Variants in NHSL1 observed in about 807,000 individuals in gnomAD.
The protein encoded by NHSL1 is NHS-like protein 1.
In NHSL1, 48 loss-of-function variants were observed where a neutral mutation model predicts 95.0. The ratio of observed to expected loss-of-function variants is 0.51; its 90% CI spans 0.40 to 0.64. The LOEUF is 0.64. NHSL1 is among the 30% of genes least tolerant of loss of function. The pLI, the probability that NHSL1 is intolerant of heterozygous loss-of-function variation, is 0.00. For synonymous variants in NHSL1, 783 were observed against 833.9 expected (o/e 0.94, Z 1.05); for missense variants, 1,971 against 2,077.7 (o/e 0.95, Z 1.00).
At chr6:138,465,814 C>T (rs530019012) in intron 3 of NHSL1, among the ~76,000 whole-genome samples, 1 of 150,654 alleles carries the variant, frequency 6.6e-6, no homozygotes, top group East Asian at 2.0e-4. Flanking sequence ...ACCTCTGCCT[C>T]CTGGGTTCAA....
At chr6:138,588,493 GACACTGCAACT>G (rs1320815289) in intron 1 of NHSL1, among the ~76,000 whole-genome samples, 3 of 103,280 alleles carry the variant, frequency 2.9e-5, no homozygotes, top group Non-Finnish European at 6.9e-5. Flanking sequence ...ATAAAATAAC[GACACTGCAACT>G]ACACTGAAAA....
intron 2 of NHSL1, among the ~76,000 whole-genome samples, chr6:138,481,063 C>T (rs548578197): frequency 7.2e-5 from 11 of 152,284 alleles, no homozygotes; most frequent in African/African-American, 2.6e-4. Flanking sequence ...AAAACTTCAT[C>T]TTAGTCCAGA....
In NHSL1 at chr6:138,692,523, G is replaced by C. The variant is rs1057386712; in HGVS notation, c.50C>G (p.Ala17Gly). Residue 17 changes from alanine to glycine, a missense_variant, in exon 1 of 4, where the codon GCC (alanine) becomes GGC (glycine). Transcript: ENST00000491526. The surrounding 1 kb of genome is among the most constrained non-coding windows in gnomAD (Gnocchi z 4.0). ...CAGGCGCGCAGCGGCGGCTTGCAGG[G>C]CGTCGAGGCGGCGGTGCAGCGCGGC... 1.5e-5 allele frequency: 3 copies of C among 200,378 alleles called. No homozygotes were observed. The highest frequency in any genetic ancestry group is 3.0e-5 in the Non-Finnish European group (3 of 100,692). 12.4% of individuals were successfully genotyped at this position (200,378 alleles called of 1,614,324 possible). A position where few individuals can be genotyped will look rare whatever the true frequency, so the allele number is the denominator to read the frequency against.
chr6:138,644,832 T>A (rs983943323), intron 1 of NHSL1, among the ~76,000 whole-genome samples: 2 of 152,248 alleles, frequency 1.3e-5, no homozygotes, highest in African/African-American at 4.8e-5. Flanking sequence ...AAAATGTTTG[T>A]TCTAGAGTCA....
intron 3 of NHSL1, among the ~76,000 whole-genome samples, chr6:138,450,533 A>G (rs548979468): frequency 2.0e-5 from 3 of 152,308 alleles, no homozygotes; most frequent in Non-Finnish European, 2.9e-5. Flanking sequence ...AAGCATCTCA[A>G]TGGTGCTCAT....
At position 138,521,765 on chromosome 6, in the gene NHSL1, G is replaced by C. The variant is rs144893727; in HGVS notation, c.16+23858C>G. ...ACAGTGGCTAGAAGATAATTAGATG[G>C]GCAAAGTGGAACACCTCATATGGGC... On this transcript the variant is annotated intron_variant, in intron 1 of 4. Coordinates refer to the NHSL1 transcript ENST00000342260. 6.2e-3 allele frequency among the ~76,000 whole-genome samples: 945 copies of C among 152,212 alleles called. 23 individuals carry two copies. The highest frequency in any genetic ancestry group is 0.048 in the Admixed American group (735 of 15,270).
At chr6:138,559,147 A>G (rs1277110756) in intron 1 of NHSL1, among the ~76,000 whole-genome samples, 1 of 152,254 alleles carries the variant, frequency 6.6e-6, no homozygotes, top group African/African-American at 2.4e-5. Flanking sequence ...GAATCCAAAA[A>G]TTGGAAGTTA....
intron 1 of NHSL1, among the ~76,000 whole-genome samples, chr6:138,617,643 T>G (rs1230488726): frequency 6.6e-6 from 1 of 152,174 alleles, no homozygotes; most frequent in Non-Finnish European, 1.5e-5. Context: ...ATGAGAACAA[T>G]GCGCACGCAG....
rs373480062 is a variant in NHSL1, at chr6:138,433,312, C to T, written c.1033G>A (p.Gly345Ser). 6.3e-5 allele frequency: 97 copies of T among 1,551,698 alleles called. No individual in the cohort carries two copies. In the African/African-American group the frequency reaches 8.5e-4, roughly 14 times the overall value. ...GTGCCATTCATGTCTCCTGCAGGGCCGAGGGCACCCAGCCTCGGCTCAAGG... is the reference window on the plus strand; with the variant it reads ...GTGCCATTCATGTCTCCTGCAGGGCTGAGGGCACCCAGCCTCGGCTCAAGG... ...QSLEPRLGAL[G>S]PAGDMNGTFL... Residue 345 changes from glycine (G) to serine (S), a missense_variant, in exon 6 of 8, where the codon GGC becomes AGC. Physicochemically the swap from Gly to Ser is moderately conservative, Grantham distance 56. Coordinates refer to ENST00000343505, the MANE Select transcript of NHSL1 (RefSeq NM_001144060.2).
chr6:138,620,912 A>T (rs1784646877), intron 1 of NHSL1, among the ~76,000 whole-genome samples: 1 of 152,186 alleles, frequency 6.6e-6, no homozygotes, highest in African/African-American at 2.4e-5. Flanking sequence ...GCAGGAGTAA[A>T]GAGAGAGCAA....
chr6:138,630,332 GT>G (rs111771403), intron 1 of NHSL1, among the ~76,000 whole-genome samples: 19 of 152,012 alleles, frequency 1.2e-4, no homozygotes, highest in Non-Finnish European at 2.1e-4. Context: ...TCTAAATGTG[GT>G]TTTTTTCAAT....
upstream of NHSL1, among the ~76,000 whole-genome samples, chr6:138,502,629 T>C (rs182877956): frequency 4.0e-3 from 610 of 152,226 alleles, 3 homozygotes; most frequent in African/African-American, 0.014. Context: ...GAAAAAGAAA[T>C]GTTCTAATGA....
intron 1 of NHSL1, among the ~76,000 whole-genome samples, chr6:138,523,584 C>T (rs1004818510): frequency 7.8e-6 from 1 of 127,574 alleles, no homozygotes; most frequent in African/African-American, 3.1e-5. Flanking sequence ...GCTGGGATTA[C>T]AGGCATGAGC....
At chr6:138,456,458 A>G (rs923165175) in intron 3 of NHSL1, among the ~76,000 whole-genome samples, 4 of 152,244 alleles carry the variant, frequency 2.6e-5, no homozygotes, top group Non-Finnish European at 5.9e-5. Context: ...TGCCAGTTCA[A>G]AGAATAACAG....
chr6:138,616,295 C>T (rs1784577507), intron 1 of NHSL1, among the ~76,000 whole-genome samples: 1 of 152,122 alleles, frequency 6.6e-6, no homozygotes, highest in Admixed American at 6.5e-5. Context: ...CAAAGTGTGA[C>T]TTCATAAATA....
chr6:138,492,084 A>G (rs1780110806), intron 2 of NHSL1, among the ~76,000 whole-genome samples: 1 of 152,226 alleles, frequency 6.6e-6, no homozygotes, highest in Admixed American at 6.5e-5. Context: ...CAAAGTCTCC[A>G]GAGACTCTCC....
chr6:138,683,659 T>C (rs900740347), intron 1 of NHSL1, among the ~76,000 whole-genome samples: 3 of 152,176 alleles, frequency 2.0e-5, no homozygotes, highest in South Asian at 2.1e-4. Context: ...AATTTGAAGT[T>C]AGATCAGGTA....
At chr6:138,463,264 T>G (rs1419306002) in intron 3 of NHSL1, among the ~76,000 whole-genome samples, 1 of 152,126 alleles carries the variant, frequency 6.6e-6, no homozygotes, top group Non-Finnish European at 1.5e-5. Context: ...AAATAATCAA[T>G]CAGATCATGT....
intron 1 of NHSL1, among the ~76,000 whole-genome samples, chr6:138,685,588 C>T (rs972912745): frequency 6.6e-6 from 1 of 151,946 alleles, no homozygotes. Flanking sequence ...TGCTGGCTTA[C>T]CCCTATAATC....
Sources: gnomAD v4.1 joint callset for allele counts (sites outside exome capture counted in the v4.1 genomes callset) on GRCh38, gnomAD v4.1.1 for gene constraint, Gnocchi (gnomAD v3.1) non-coding constraint, MANE v1.5 for transcripts, NCBI Gene and HGNC (gene_info 2026-07-23, HGNC 2026-07-21) for gene names.